Variants in RAPGEF6 observed in about 807,000 individuals in gnomAD.
RAPGEF6 encodes the protein Rap guanine nucleotide exchange factor 6.
In RAPGEF6, 56 loss-of-function variants were observed where a neutral mutation model predicts 171.4. The observed-to-expected ratio is 0.33, with a 90% CI of 0.26 to 0.41. RAPGEF6 has a LOEUF of 0.41. Among genes scored for constraint, RAPGEF6 ranks in the 10% least tolerant of loss-of-function variants. The pLI, the probability that RAPGEF6 is intolerant of heterozygous loss-of-function variation, is 1.00. For missense variants in RAPGEF6, 1,674 were observed against 1,921.4 expected (o/e 0.87, Z 2.41); for synonymous variants, 692 against 650.1 (o/e 1.06, Z -0.98).
rs770342827 is a variant in RAPGEF6 at position 131,505,541 on chromosome 5, G to A, written c.943-19C>T. ...AGTCAAGCTATAGAGAAAAACAAAG[G>A]TTTTATGAATCTTTTTAAAAAAGGT... On this transcript the variant is annotated intron_variant, in intron 9 of 27. Transcript: ENST00000509018. The A allele has an allele frequency of 6.3e-7, 1 of 1,595,002 alleles. No homozygotes were observed. Among genetic ancestry groups the A allele is most frequent in the East Asian group, 2.2e-5 (1 of 44,602 alleles).
intron 12 of RAPGEF6, 122 bp downstream of exon 12, chr5:131,498,321 C>T (rs1369923305): frequency 2.2e-5 from 19 of 872,070 alleles, no homozygotes; most frequent in Non-Finnish European, 3.2e-5. Context: ...GGTTCAGGTT[C>T]ATTAATTTTT....
chr5:131,452,378 TAAA>T (rs1449040614), intron 21 of RAPGEF6, among the ~76,000 whole-genome samples: 1 of 152,206 alleles, frequency 6.6e-6, no homozygotes, highest in Non-Finnish European at 1.5e-5. Flanking sequence ...TCATTTTTAG[TAAA>T]GTATGATTAA....
chr5:131,446,853 G>T, intron 21 of RAPGEF6, 150 bp from the exon 22 acceptor site: 1 of 725,820 alleles, frequency 1.4e-6, no homozygotes, highest in Non-Finnish European at 2.2e-6. Flanking sequence ...AAGTAATTTG[G>T]CACATATGGT....
chr5:131,498,468 A>C lies in RAPGEF6; in HGVS notation c.1394T>G (p.Phe465Cys). 6.2e-7 allele frequency: 1 copy of C among 1,612,746 alleles called. No homozygotes were observed. Among genetic ancestry groups the C allele is most frequent in the Non-Finnish European group, 8.5e-7 (1 of 1,179,422 alleles). Residue 465 changes from phenylalanine (F) to cysteine (C), a missense_variant, in exon 12 of 28, where the codon TTT (phenylalanine) becomes TGT (cysteine). By Grantham distance (205) the Phe-to-Cys change is radical. Around this residue, in one of 3 missense-constraint regions of RAPGEF6, gnomAD observed 1,116 missense variants for 1,321.5 expected, o/e 0.84. Coordinates refer to ENST00000509018, the MANE Select transcript of RAPGEF6 (RefSeq NM_016340.6). ...LDVGIKLLEW[F>C]KIDSLRDKVT... The stretch of plus-strand genomic sequence containing the variant: ...CTTATCTCTTAAGCTGTCGATCTTA[A>C]ACCATTCCAATAGTTTGATCCCAAC...
intron 19 of RAPGEF6, 27 bp downstream of exon 19, chr5:131,461,678 C>T: frequency 6.4e-7 from 1 of 1,565,404 alleles, no homozygotes; most frequent in Non-Finnish European, 8.7e-7. Context: ...ACCATACAGA[C>T]ATTTGTACCT....
At chr5:131,487,524 C>T (rs1028799625) in intron 15 of RAPGEF6, among the ~76,000 whole-genome samples, 5 of 152,106 alleles carry the variant, frequency 3.3e-5, no homozygotes, top group African/African-American at 9.7e-5. Flanking sequence ...CTGATTGGTG[C>T]GTTTTTACAG....
chr5:131,602,613 T>TAGCC (rs1388050473), intron 3 of RAPGEF6, among the ~76,000 whole-genome samples: 1 of 152,022 alleles, frequency 6.6e-6, no homozygotes, highest in African/African-American at 2.4e-5. Context: ...ATACAAAAAG[T>TAGCC]AGCCAGGCAT....
At chr5:131,454,343 A>C (rs192028999) in intron 20 of RAPGEF6, among the ~76,000 whole-genome samples, 191 of 152,328 alleles carry the variant, frequency 1.3e-3, no homozygotes, top group African/African-American at 4.5e-3. Context: ...AACATCATTC[A>C]AAAAGCGAGA....
chr5:131,490,495 T>A (rs1756208975), intron 14 of RAPGEF6, among the ~76,000 whole-genome samples: 1 of 152,094 alleles, frequency 6.6e-6, no homozygotes, highest in Non-Finnish European at 1.5e-5. Flanking sequence ...CATATCCCAA[T>A]GAAATTTCTT....
chr5:131,439,964 T>C, intron 23 of RAPGEF6: 1 of 586,764 alleles, frequency 1.7e-6, no homozygotes, highest in Non-Finnish European at 2.8e-6. Context: ...CTTTGTGGTA[T>C]AAGGGAAATC....
At chr5:131,474,344 T>C (rs540834745) in intron 16 of RAPGEF6, among the ~76,000 whole-genome samples, 1 of 152,198 alleles carries the variant, frequency 6.6e-6, no homozygotes, top group South Asian at 2.1e-4. Context: ...CTCGTGCCTG[T>C]AATCCCACCT....
chr5:131,458,665 C>CT (rs1466688547), intron 19 of RAPGEF6, among the ~76,000 whole-genome samples: 1 of 152,020 alleles, frequency 6.6e-6, no homozygotes, highest in Admixed American at 6.6e-5. Context: ...TTTTTCTTTT[C>CT]TTTTTTGAGA....
intron 4 of RAPGEF6, among the ~76,000 whole-genome samples, chr5:131,566,202 A>C (rs894719824): frequency 6.6e-6 from 1 of 151,994 alleles, no homozygotes; most frequent in African/African-American, 2.4e-5. Flanking sequence ...AATTAAAACT[A>C]AAATATAATA....
At chr5:131,547,967 T>C (rs1367180043) in intron 6 of RAPGEF6, 80 bp downstream of exon 6, 2 of 1,466,542 alleles carry the variant, frequency 1.4e-6, no homozygotes, top group African/African-American at 2.8e-5. Flanking sequence ...CATGTTGATA[T>C]TACCAAAGAT....
chr5:131,572,964 C>T (rs1049986477), intron 4 of RAPGEF6, among the ~76,000 whole-genome samples: 1 of 152,078 alleles, frequency 6.6e-6, no homozygotes, highest in Non-Finnish European at 1.5e-5. Context: ...GTCTGAGGTG[C>T]CTTACATCCA....
At chr5:131,484,355 T>C (rs1755725996) in intron 15 of RAPGEF6, among the ~76,000 whole-genome samples, 1 of 149,578 alleles carries the variant, frequency 6.7e-6, no homozygotes, top group Non-Finnish European at 1.5e-5. Context: ...GCCTCCCGAG[T>C]AGCTGGGACT....
intron 6 of RAPGEF6, among the ~76,000 whole-genome samples, chr5:131,542,872 A>G (rs1394385948): frequency 6.6e-6 from 1 of 152,228 alleles, no homozygotes; most frequent in East Asian, 1.9e-4. Flanking sequence ...AATAGGAAAT[A>G]CATAGAAAAC....
intron 6 of RAPGEF6, among the ~76,000 whole-genome samples, chr5:131,545,169 G>A (rs1760434862): frequency 6.6e-6 from 1 of 152,020 alleles, no homozygotes. Flanking sequence ...TAGGATTCAT[G>A]TTTATACAAA....
At chr5:131,603,481 T>C (rs1478107143) in intron 2 of RAPGEF6, among the ~76,000 whole-genome samples, 154 bp from the exon 3 acceptor site, 1 of 152,100 alleles carries the variant, frequency 6.6e-6, no homozygotes, top group Non-Finnish European at 1.5e-5. Flanking sequence ...TTTAGAAATA[T>C]ATGTGTATTT....
Sources: gnomAD v4.1 joint callset for allele counts (sites outside exome capture counted in the v4.1 genomes callset) on GRCh38, gnomAD v4.1.1 for gene constraint, gnomAD v4.1.1 regional missense constraint, MANE v1.5 for transcripts, NCBI Gene and HGNC (gene_info 2026-07-23, HGNC 2026-07-21) for gene names.